ADCY8: variants seen among roughly 807,000 people sequenced by gnomAD.
The protein encoded by ADCY8 is adenylate cyclase 8.
A neutral mutation model predicts 119.7 loss-of-function variants in ADCY8; 51 were observed. The ratio of observed to expected loss-of-function variants is 0.43; its 90% confidence interval spans 0.34 to 0.54. ADCY8 has a LOEUF of 0.54. ADCY8 is among the 20% of genes least tolerant of loss of function. The probability of loss-of-function intolerance (pLI) is 0.03; values close to 1 mark genes in which losing one functional copy is unlikely to be tolerated. For synonymous variants in ADCY8, 665 were observed against 651.0 expected (o/e 1.02, Z -0.33); for missense variants, 1,383 against 1,598.8 (o/e 0.87, Z 2.30).
At position 130,780,615 on chromosome 8, in the gene ADCY8, G is replaced by A. The variant is rs779649531; in HGVS notation, c.3531C>T (p.Asn1177=). Residue 1177 remains asparagine, a synonymous_variant, in exon 18 of 18, where the codon AAC becomes AAT. Transcript: ENST00000286355. The stretch of plus-strand genomic sequence containing the variant: ...GTCTTCTTGGGGGCAAGATGAATGG[G>A]TTGGGTTGGACTCTTCCCAGAAGAA... ...TYFLLGRVQP[N]PFILPPRRLP... The A allele has an allele frequency of 6.2e-7, 1 of 1,614,206 alleles. No individual in the cohort carries two copies. Among genetic ancestry groups the A allele is most frequent in the East Asian group, 2.2e-5 (1 of 44,866 alleles).
chr8:131,028,219 T>C (rs1482193700), intron 1 of ADCY8, among the ~76,000 whole-genome samples: 2 of 152,212 alleles, frequency 1.3e-5, no homozygotes, highest in Non-Finnish European at 2.9e-5. Context: ...TTTAAGGAAA[T>C]ATACTTACAT....
chr8:131,013,058 G>C (rs1823360208), intron 1 of ADCY8, among the ~76,000 whole-genome samples: 1 of 152,126 alleles, frequency 6.6e-6, no homozygotes, highest in Non-Finnish European at 1.5e-5. Context: ...TAGGTTATTA[G>C]GTTAATGTTG....
chr8:130,928,100 C>T (rs1054065391), intron 5 of ADCY8, among the ~76,000 whole-genome samples: 1 of 152,004 alleles, frequency 6.6e-6, no homozygotes, highest in African/African-American at 2.4e-5. Context: ...TTTGAAGAAC[C>T]AAAGCAGTCA....
In ADCY8 at chr8:130,849,802, C is replaced by T; in HGVS notation, c.2212G>A (p.Val738Met). 6.2e-7 allele frequency: 1 copy of T among 1,611,154 alleles called. No homozygotes were observed. Among genetic ancestry groups the T allele is most frequent in the Admixed American group, 1.7e-5 (1 of 59,812 alleles). The change falls in exon 10 of 18, where the codon GTG (valine) becomes ATG (methionine). Residue 738 changes from valine (V) to methionine (M), a missense_variant and splice_region_variant. Around this residue, in one of 2 missense-constraint regions of ADCY8, gnomAD observed 928 missense variants for 1,163.5 expected, o/e 0.80. Transcript: ENST00000286355. ...AIQSLLPSSRVMPMTIQFSIL... is the reference protein window; with the variant it reads ...AIQSLLPSSRMMPMTIQFSIL... ...GAGAACTGGATGGTCATTGGCATCA[C>T]TCTGCAGGGAAACACAGAATGTTGG...
chr8:130,822,798 G>A (rs921566434), intron 12 of ADCY8, among the ~76,000 whole-genome samples: 2 of 152,156 alleles, frequency 1.3e-5, no homozygotes, highest in Non-Finnish European at 1.5e-5. Context: ...GTTTGACCTT[G>A]GAAAGGTCAT....
At chr8:130,909,918 C>T (rs368749303) in intron 5 of ADCY8, 52 bp from the exon 6 acceptor site, 5 of 1,517,084 alleles carry the variant, frequency 3.3e-6, no homozygotes, top group African/African-American at 2.8e-5. Flanking sequence ...GAGTGGGCAT[C>T]GTTGGCTCTG....
At chr8:130,823,271 G>A (rs1419753507) in intron 12 of ADCY8, among the ~76,000 whole-genome samples, 1 of 152,196 alleles carries the variant, frequency 6.6e-6, no homozygotes, top group Non-Finnish European at 1.5e-5. Flanking sequence ...GTCATTCACT[G>A]TATTGCAGAT....
chr8:130,927,117 T>A (rs1820495019), intron 5 of ADCY8, among the ~76,000 whole-genome samples: 1 of 152,124 alleles, frequency 6.6e-6, no homozygotes, highest in Non-Finnish European at 1.5e-5. Context: ...TACTCAGTAG[T>A]GGAATTATTA....
chr8:130,902,898 A>G (rs1422288749), intron 7 of ADCY8, among the ~76,000 whole-genome samples: 1 of 152,102 alleles, frequency 6.6e-6, no homozygotes, highest in East Asian at 1.9e-4. Context: ...AAAAATGTAT[A>G]GTACAGTCAC....
chr8:130,787,437 G>A (rs564591083), intron 15 of ADCY8, among the ~76,000 whole-genome samples: 2 of 152,336 alleles, frequency 1.3e-5, no homozygotes, highest in South Asian at 2.1e-4. Context: ...TTGTGTGTGT[G>A]TGCCTGTGTG....
chr8:130,948,357 G>A (rs1393427008), intron 3 of ADCY8, among the ~76,000 whole-genome samples: 1 of 152,218 alleles, frequency 6.6e-6, no homozygotes, highest in East Asian at 1.9e-4. Context: ...TGGTGGCCAG[G>A]TGGATCCTCA....
intron 2 of ADCY8, among the ~76,000 whole-genome samples, chr8:130,982,792 A>G (rs1025228903): frequency 6.6e-6 from 1 of 152,268 alleles, no homozygotes; most frequent in Non-Finnish European, 1.5e-5. Flanking sequence ...TATAATCAAC[A>G]TTCAATTAGT....
chr8:130,850,807 C>T (rs7846645), intron 9 of ADCY8, among the ~76,000 whole-genome samples: 17,116 of 152,194 alleles, frequency 0.11, 1,211 homozygotes, highest in African/African-American at 0.21. Context: ...TACTATCCTC[C>T]TCCTTAAACT....
At chr8:130,909,039 A>ACCATCCATCCAT (rs1554615207) in intron 6 of ADCY8, among the ~76,000 whole-genome samples, 1 of 63,888 alleles carries the variant, frequency 1.6e-5, no homozygotes, top group Non-Finnish European at 4.2e-5. Context: ...CCATCCATCC[A>ACCATCCATCCAT]CCATCCATCC....
intron 12 of ADCY8, among the ~76,000 whole-genome samples, chr8:130,832,990 A>G (rs1423995106): frequency 1.3e-5 from 2 of 152,238 alleles, no homozygotes; most frequent in African/African-American, 4.8e-5. Flanking sequence ...CTTTAATTCC[A>G]TAAATTGTAG....
At chr8:130,803,103 G>A (rs1433577550) in intron 14 of ADCY8, among the ~76,000 whole-genome samples, 1 of 152,140 alleles carries the variant, frequency 6.6e-6, no homozygotes, top group African/African-American at 2.4e-5. Flanking sequence ...TTGTCTCAAG[G>A]TTTGCTTCTG....
intron 9 of ADCY8, among the ~76,000 whole-genome samples, chr8:130,856,119 G>C (rs573094744): frequency 6.6e-6 from 1 of 151,886 alleles, no homozygotes; most frequent in East Asian, 1.9e-4. Flanking sequence ...TAGGAGCCAG[G>C]TGAGCTGTCA....
intron 9 of ADCY8, among the ~76,000 whole-genome samples, chr8:130,851,249 T>A (rs945484279): frequency 9.2e-5 from 14 of 152,198 alleles, no homozygotes; most frequent in Admixed American, 9.2e-4. Context: ...GAGAGAGGAA[T>A]ATAAACATGC....
intron 11 of ADCY8, among the ~76,000 whole-genome samples, chr8:130,838,308 C>T (rs1344122929): frequency 6.6e-6 from 1 of 152,192 alleles, no homozygotes; most frequent in Non-Finnish European, 1.5e-5. Context: ...GTCTCCTTTA[C>T]TTCTGTCTTT....
Sources: gnomAD v4.1 joint callset for allele counts (sites outside exome capture counted in the v4.1 genomes callset) on GRCh38, gnomAD v4.1.1 for gene constraint, gnomAD v4.1.1 regional missense constraint, MANE v1.5 for transcripts, NCBI Gene and HGNC (gene_info 2026-07-23, HGNC 2026-07-21) for gene names.